The following HTR2B variants were observed in gnomAD, a reference collection of about 807,000 sequenced individuals.
The protein encoded by HTR2B is 5-hydroxytryptamine receptor 2B, also known as 5-HT 2B receptor.
In HTR2B, 31 loss-of-function variants were observed where a neutral mutation model predicts 39.8. The ratio of observed to expected loss-of-function variants is 0.78; its 90% CI spans 0.58 to 1.05. The LOEUF is 1.05. HTR2B is among the 50% of genes least tolerant of loss of function. The pLI is 0.00. For missense variants in HTR2B, 562 were observed against 578.0 expected (o/e 0.97, Z 0.28); for synonymous variants, 210 against 207.1 (o/e 1.01, Z -0.12).
Position 231,123,529 on chromosome 2 carries a change from A to T in HTR2B, c.236T>A (p.Val79Asp), listed in dbSNP as rs749676813. ...IGGNTLVILA[V>D]SLEKKLQYAT... Reference sequence around the variant, plus strand: ...ATACTGCAGCTTCTTCTCCAGTGAAACAGCCAGAATAACAAGGGTATTTCC... The same window carrying T: ...ATACTGCAGCTTCTTCTCCAGTGAATCAGCCAGAATAACAAGGGTATTTCC... The change falls in exon 2 of 4, where the codon GTT (valine) becomes GAT (aspartate). Residue 79 changes from valine (V) to aspartate (D), a missense_variant. Coordinates refer to ENST00000258400, the MANE Select transcript of HTR2B (RefSeq NM_000867.5). 1.2e-6 allele frequency: 2 copies of T among 1,614,108 alleles called. No homozygotes were observed. Among genetic ancestry groups the T allele is most frequent in the South Asian group, 2.2e-5 (2 of 91,082 alleles).
Position 231,123,622 on chromosome 2 carries a change from T to C in HTR2B, c.143A>G (p.Glu48Gly), listed in dbSNP as rs1303898558. ...SIPEEMKQIV[E>G]EQGNKLHWAA... ...CCAGTGCAGTTTATTTCCCTGTTCC[T>C]CAACAATCTGTTTCATTTCCTCTGG... is the stretch of plus-strand genomic sequence containing the variant. Residue 48 changes from glutamate (E) to glycine (G), a missense_variant, in exon 2 of 4, where the codon GAG becomes GGG. Transcript: ENST00000258400. 1 of 1,614,138 alleles carries C rather than the reference T, an allele frequency of 6.2e-7. No homozygotes were observed. The highest frequency in any genetic ancestry group is 2.2e-5 in the East Asian group (1 of 44,884).
At chr2:231,109,457 ACT>A in intron 3 of HTR2B, 48 bp from the exon 4 acceptor site, 1 of 1,481,970 alleles carries the variant, frequency 6.7e-7, no homozygotes. Context: ...ATGACCTGTA[ACT>A]CTTCGATTAG....
chr2:231,108,913 A>C lies in HTR2B; in HGVS notation c.1050T>G (p.Cys350Trp), dbSNP rs774540124. 6.2e-7 allele frequency: 1 copy of C among 1,614,044 alleles called. No individual in the cohort carries two copies. The change falls in exon 4 of 4, where the codon TGT becomes TGG. Residue 350 changes from cysteine (C) to tryptophan (W), a missense_variant. Transcript: ENST00000258400. ...GGAGAGTAGTTTGGTTACAGGAATC[A>C]CATAAAACTAAAGTTATATTTGTAA... ...FFITNITLVL[C>W]DSCNQTTLQM...
rs1695059318 is a variant in HTR2B at position 231,108,967 on chromosome 2, G to A, written c.996C>T (p.Leu332=). The A allele has an allele frequency of 6.2e-7, 1 of 1,614,148 alleles. No individual in the cohort carries two copies. The highest frequency in any genetic ancestry group is 2.2e-5 in the East Asian group (1 of 44,878). Residue 332 remains leucine (L), a synonymous_variant, in exon 4 of 4, where the codon CTC becomes CTT. Transcript: ENST00000258400. Reference sequence around the variant, plus strand: ...AGAAGGGACACCACATAAGCAAAAAGAGGAAAAACACAATCCCTAGGACCT... The same window carrying A: ...AGAAGGGACACCACATAAGCAAAAAAAGGAAAAACACAATCCCTAGGACCT... ...ASKVLGIVFF[L]FLLMWCPFFI...
chr2:231,109,255 G>A lies in HTR2B; in HGVS notation c.708C>T (p.Thr236=). The A allele has an allele frequency of 3.1e-6, 5 of 1,614,152 alleles. No homozygotes were observed. Among genetic ancestry groups the A allele is most frequent in the Non-Finnish European group, 4.2e-6 (5 of 1,180,022 alleles). ...FFTPLAIMIV[T]YFLTIHALQK... ...GTAAAGCATGGATAGTGAGAAAGTA[G>A]GTGACAATCATAATTGCAAGAGGTG... is the stretch of plus-strand genomic sequence containing the variant. The change falls in exon 4 of 4, where the codon ACC becomes ACT. Residue 236 remains threonine, a synonymous_variant. Coordinates refer to ENST00000258400, the MANE Select transcript of HTR2B (RefSeq NM_000867.5).
At chr2:231,114,821 T>A (rs1396687156) in intron 2 of HTR2B, among the ~76,000 whole-genome samples, 3 of 152,182 alleles carry the variant, frequency 2.0e-5, no homozygotes, top group Non-Finnish European at 4.4e-5. Flanking sequence ...ATTTAATATA[T>A]TATGCATTAT....
chr2:231,123,261 A>T (rs1204861907), intron 2 of HTR2B, 152 bp downstream of exon 2: 5 of 692,608 alleles, frequency 7.2e-6, no homozygotes, highest in East Asian at 2.7e-5. Context: ...ATAGAGAATG[A>T]TATAAAACAA....
rs371574183 is a variant in HTR2B, at chr2:231,114,510, A to C, written c.353-581T>G. On this transcript the variant is annotated intron_variant, in intron 2 of 3. Coordinates refer to ENST00000258400, the MANE Select transcript of HTR2B (RefSeq NM_000867.5). ...ATAGTTCTCAAATAAAGATTGCAAA[A>C]GGAATGGCTTCAGATTATCCGGAAG... is the stretch of plus-strand genomic sequence containing the variant. 4.6e-5 allele frequency among the ~76,000 whole-genome samples: 7 copies of C among 152,350 alleles called. No individual in the cohort carries two copies. In the East Asian group the frequency reaches 9.6e-4, roughly 21 times the overall value.
intron 2 of HTR2B, among the ~76,000 whole-genome samples, chr2:231,115,910 G>A (rs892980132): frequency 2.0e-5 from 3 of 152,076 alleles, no homozygotes; most frequent in African/African-American, 2.4e-5. Flanking sequence ...CAGGTGATTC[G>A]TATGCAAATT....
In HTR2B at chr2:231,113,940, C is replaced by G; in HGVS notation, c.353-11G>C. The G allele has an allele frequency of 6.2e-7, 1 of 1,610,476 alleles. No homozygotes were observed. The highest frequency in any genetic ancestry group is 8.5e-7 in the Non-Finnish European group (1 of 1,176,906). On this transcript the variant is annotated splice_polypyrimidine_tract_variant and intron_variant, in intron 2 of 3. Transcript: ENST00000258400. Reference sequence around the variant, plus strand: ...GGGGCCACATAGCCTCTGAAAGAAACAAAAACAAGACAAACATTTTATTCT... The same window carrying G: ...GGGGCCACATAGCCTCTGAAAGAAAGAAAAACAAGACAAACATTTTATTCT...
rs868834752 is a variant in HTR2B at position 231,109,212 on chromosome 2, CTAAG to C, written c.747_750del (p.Tyr249Ter). On this transcript the variant is annotated frameshift_variant, in exon 4 of 4. Coordinates refer to ENST00000258400, the MANE Select transcript of HTR2B (RefSeq NM_000867.5). LOFTEE classifies it high-confidence loss of function. ...AGGCGTTGAGGTGGCTTGTTTTTGA[CTAAG>C]TAAGCCTTCTTCTGTAAAGCATGGA... 8 of 1,614,044 alleles carry C rather than the reference CTAAG, an allele frequency of 5.0e-6. No individual in the cohort carries two copies. Among genetic ancestry groups the C allele is most frequent in the Non-Finnish European group, 6.8e-6 (8 of 1,180,034 alleles).
At chr2:231,109,485 A>G (rs1208024861) in intron 3 of HTR2B, 76 bp from the exon 4 acceptor site, 1 of 1,272,690 alleles carries the variant, frequency 7.9e-7, no homozygotes, top group Non-Finnish European at 1.1e-6. Context: ...TTTGGATTGT[A>G]TCCTTATAAC....
Position 231,109,381 on chromosome 2 carries a change from C to T in HTR2B, c.582G>A (p.Gly194=). The change falls in exon 4 of 4, where the codon GGG becomes GGA. Residue 194 remains glycine, a synonymous_variant. Transcript: ENST00000258400. ...IGIAIPVPIK[G]IETDVDNPNN... is the part of the protein sequence containing the mutation. Reference sequence around the variant, plus strand: ...TTGGGTTGTCCACATCAGTCTCTATCCCTTTAATAGGGACTGGAATGGCAA... The same window carrying T: ...TTGGGTTGTCCACATCAGTCTCTATTCCTTTAATAGGGACTGGAATGGCAA... 3.1e-6 allele frequency: 5 copies of T among 1,614,060 alleles called. No homozygotes were observed. Among genetic ancestry groups the T allele is most frequent in the Non-Finnish European group, 4.2e-6 (5 of 1,179,964 alleles).
At chr2:231,119,966 T>TC (rs1196332810) in intron 2 of HTR2B, among the ~76,000 whole-genome samples, 1 of 149,118 alleles carries the variant, frequency 6.7e-6, no homozygotes, top group African/African-American at 2.5e-5. Context: ...TTTTTTTTTT[T>TC]CCCTGAGACA....
chr2:231,112,903 G>A (rs571930637), intron 3 of HTR2B, among the ~76,000 whole-genome samples: 4 of 152,222 alleles, frequency 2.6e-5, no homozygotes, highest in South Asian at 2.1e-4. Flanking sequence ...AGTGACTCAC[G>A]CCTGTAATCC....
Position 231,108,945 on chromosome 2 carries a change from A to C in HTR2B, c.1018T>G (p.Phe340Val). ...ACTAAAGTTATATTTGTAATAAAGA[A>C]GGGACACCACATAAGCAAAAAGAGG... ...FFLFLLMWCP[F>V]FITNITLVLC... The change falls in exon 4 of 4, where the codon TTC becomes GTC. Residue 340 changes from phenylalanine to valine, a missense_variant. Coordinates refer to ENST00000258400, the MANE Select transcript of HTR2B (RefSeq NM_000867.5). 1 of 1,614,132 alleles carries C rather than the reference A, an allele frequency of 6.2e-7. No homozygotes were observed.
chr2:231,112,813 C>A (rs6437000), intron 3 of HTR2B, among the ~76,000 whole-genome samples: 70,543 of 151,946 alleles, frequency 0.46, 19,918 homozygotes, highest in African/African-American at 0.79. Flanking sequence ...TTCTTTTATA[C>A]ATAATTTCTG....
At chr2:231,117,866 AG>A (rs1356972550) in intron 2 of HTR2B, among the ~76,000 whole-genome samples, 1 of 152,040 alleles carries the variant, frequency 6.6e-6, no homozygotes, top group Admixed American at 6.5e-5. Flanking sequence ...ACTTGTCCCT[AG>A]GGGGGAAAAA....
chr2:231,116,024 T>TG (rs760355732), intron 2 of HTR2B, among the ~76,000 whole-genome samples: 15 of 152,256 alleles, frequency 9.9e-5, no homozygotes, highest in African/African-American at 1.4e-4. Context: ...TATAGGCACT[T>TG]GGAATGTCTC....
Sources: gnomAD v4.1 joint callset for allele counts (sites outside exome capture counted in the v4.1 genomes callset) on GRCh38, gnomAD v4.1.1 for gene constraint, MANE v1.5 for transcripts, NCBI Gene and HGNC (gene_info 2026-07-23, HGNC 2026-07-21) for gene names.